The following SYT1 variants were observed in gnomAD, a reference collection of about 807,000 sequenced individuals.
The protein encoded by SYT1 is synaptotagmin 1, also known as synaptotagmin-1.
Under a neutral mutation model 44.8 loss-of-function variants are expected in SYT1, and 8 were observed. That is an observed-to-expected ratio of 0.18 (90% CI 0.10 to 0.32). The LOEUF (loss-of-function observed/expected upper bound fraction) is 0.32. Among genes scored for constraint, SYT1 ranks in the 10% least tolerant of loss-of-function variants. The pLI, the probability that SYT1 is intolerant of heterozygous loss-of-function variation, is 1.00. For missense variants in SYT1, 286 were observed against 509.3 expected (o/e 0.56, Z 4.22); for synonymous variants, 154 against 188.8 (o/e 0.82, Z 1.51).
intron 2 of SYT1, among the ~76,000 whole-genome samples, chr12:79,040,896 CTTGT>C (rs1367694730): frequency 6.7e-6 from 1 of 149,740 alleles, no homozygotes; most frequent in Non-Finnish European, 1.5e-5. Context: ...TTCCCCATTG[CTTGT>C]TTTTCTCAGG....
At chr12:79,256,191 G>A (rs1288879998) in intron 4 of SYT1, among the ~76,000 whole-genome samples, 1 of 152,194 alleles carries the variant, frequency 6.6e-6, no homozygotes. Flanking sequence ...TGATCATGCA[G>A]GACAATGAGA....
chr12:78,901,258 TGAATGTG>T (rs962118240), intron 1 of SYT1, among the ~76,000 whole-genome samples: 2 of 152,126 alleles, frequency 1.3e-5, no homozygotes, highest in African/African-American at 4.8e-5. Flanking sequence ...AACTTTGAAT[TGAATGTG>T]GACCTCCTAA....
chr12:79,271,042 A>G (rs1167662567), intron 4 of SYT1, among the ~76,000 whole-genome samples: 2 of 152,222 alleles, frequency 1.3e-5, no homozygotes, highest in Non-Finnish European at 2.9e-5. Flanking sequence ...AGATTCAATG[A>G]ATGTCTGATG....
At chr12:79,409,864 C>G (rs1417098112) in intron 9 of SYT1, among the ~76,000 whole-genome samples, 2 of 151,950 alleles carry the variant, frequency 1.3e-5, no homozygotes, top group Non-Finnish European at 2.9e-5. Context: ...AAAACATGAA[C>G]ATTTGCATTG....
intron 2 of SYT1, among the ~76,000 whole-genome samples, chr12:78,985,719 TC>T (rs1250822366): frequency 6.6e-6 from 1 of 151,990 alleles, no homozygotes; most frequent in African/African-American, 2.4e-5. Flanking sequence ...AAATTCTGTT[TC>T]ATAATTTAGT....
chr12:79,333,193 C>T (rs993347482), intron 8 of SYT1, among the ~76,000 whole-genome samples: 2 of 152,270 alleles, frequency 1.3e-5, no homozygotes, highest in Non-Finnish European at 2.9e-5. Flanking sequence ...TCTCACAGTT[C>T]TGGAAGCTGA....
At chr12:78,959,404 A>T (rs1328394905) in intron 1 of SYT1, among the ~76,000 whole-genome samples, 1 of 152,136 alleles carries the variant, frequency 6.6e-6, no homozygotes, top group Non-Finnish European at 1.5e-5. Flanking sequence ...TACTGAGATA[A>T]TCTTATTTTA....
intron 9 of SYT1, among the ~76,000 whole-genome samples, chr12:79,405,153 A>G (rs1161608243): frequency 2.0e-5 from 3 of 152,188 alleles, no homozygotes; most frequent in Non-Finnish European, 2.9e-5. Context: ...CATTTTCTAA[A>G]GTATTGGAGA....
intron 1 of SYT1, among the ~76,000 whole-genome samples, chr12:78,865,724 CTA>C (rs1365406600): frequency 6.6e-6 from 1 of 152,162 alleles, no homozygotes; most frequent in Admixed American, 6.5e-5. Context: ...TTGCAAGAGT[CTA>C]TGTCTCTCAC....
chr12:79,411,624 C>T (rs1370378912), intron 9 of SYT1, among the ~76,000 whole-genome samples: 4 of 151,954 alleles, frequency 2.6e-5, no homozygotes, highest in African/African-American at 9.7e-5. Context: ...TTGAAACAAA[C>T]ATAAATATAT....
intron 1 of SYT1, among the ~76,000 whole-genome samples, chr12:78,947,930 C>T (rs1434987037): frequency 6.6e-6 from 1 of 151,514 alleles, no homozygotes. Context: ...TATTAAAATC[C>T]CTTCATAGCC....
chr12:79,256,460 A>G (rs997399450), intron 4 of SYT1, among the ~76,000 whole-genome samples: 4 of 152,210 alleles, frequency 2.6e-5, no homozygotes, highest in South Asian at 2.1e-4. Context: ...CATTTAAATT[A>G]TCAAACCATT....
At chr12:79,220,142 C>T (rs2138573726) in intron 4 of SYT1, among the ~76,000 whole-genome samples, 1 of 151,970 alleles carries the variant, frequency 6.6e-6, no homozygotes, top group East Asian at 1.9e-4. Flanking sequence ...ATAATTCAAC[C>T]TTGGTAGGTT....
chr12:79,415,093 G>C lies in SYT1; in HGVS notation c.929-28980G>C, dbSNP rs1350366374. On this transcript the variant is annotated intron_variant, in intron 9 of 10. Transcript: ENST00000261205. ...TTTATTTATATAGAATTATTTGCTT[G>C]CTTATTTACAATTTGTTTGTTTGTT... Among the ~76,000 whole-genome samples the C allele has an allele frequency of 3.9e-5, 6 of 151,902 alleles. No individual in the cohort carries two copies. The East Asian group carries it at 1.2e-3, about 30-fold the overall frequency.
intron 1 of SYT1, among the ~76,000 whole-genome samples, chr12:78,911,192 A>G (rs141164019): frequency 2.5e-3 from 376 of 152,192 alleles, no homozygotes; most frequent in Non-Finnish European, 3.7e-3. Flanking sequence ...TTGTACAACT[A>G]GACGGATGTG....
intron 3 of SYT1, among the ~76,000 whole-genome samples, chr12:79,125,453 A>C (rs1868378514): frequency 6.9e-6 from 1 of 145,798 alleles, no homozygotes; most frequent in Non-Finnish European, 1.5e-5. Flanking sequence ...TGTCTCTACA[A>C]AAAAAAAAAA....
At chr12:79,388,177 T>C (rs1456166513) in intron 9 of SYT1, among the ~76,000 whole-genome samples, 1 of 152,206 alleles carries the variant, frequency 6.6e-6, no homozygotes, top group Non-Finnish European at 1.5e-5. Context: ...TAAACCTGTG[T>C]GTGTATAGCT....
chr12:79,206,538 AT>A (rs1372037826), intron 3 of SYT1, among the ~76,000 whole-genome samples: 1 of 152,208 alleles, frequency 6.6e-6, no homozygotes, highest in East Asian at 1.9e-4. Flanking sequence ...GTGAAAAAAA[AT>A]ATTGTGAAAG....
At chr12:79,353,385 C>T in intron 8 of SYT1, 117 bp from the exon 9 acceptor site, 6 of 786,758 alleles carry the variant, frequency 7.6e-6, no homozygotes, top group South Asian at 6.8e-5. Context: ...AATGGACCTA[C>T]AATTTTCAAA....
Sources: gnomAD v4.1 joint callset for allele counts (sites outside exome capture counted in the v4.1 genomes callset) on GRCh38, gnomAD v4.1.1 for gene constraint, MANE v1.5 for transcripts, NCBI Gene and HGNC (gene_info 2026-07-23, HGNC 2026-07-21) for gene names.